Variants in CECR2 observed in about 807,000 individuals in gnomAD.
The protein encoded by CECR2 is CECR2 histone acetyl-lysine reader.
CECR2 carries 30 observed loss-of-function variants against 154.5 expected under a neutral mutation model. The observed-to-expected ratio is 0.19, with a 90% CI of 0.15 to 0.26. The LOEUF (loss-of-function observed/expected upper bound fraction) is 0.26. Ranked by LOEUF, CECR2 falls within the 10% of genes least tolerant of loss-of-function variation. CECR2 has a pLI of 1.00. For missense variants in CECR2, 1,743 were observed against 1,829.3 expected, an observed-to-expected ratio of 0.95 and a Z score of 0.86; for synonymous variants, 725 against 683.7, an observed-to-expected ratio of 1.06 and a Z score of -0.94.
At chr22:17,535,992 T>C (rs954476254) in intron 9 of CECR2, among the ~76,000 whole-genome samples, 1 of 152,170 alleles carries the variant, frequency 6.6e-6, no homozygotes, top group Non-Finnish European at 1.5e-5. Context: ...CTCACTCCTG[T>C]AATCCCAGCA....
chr22:17,520,354 C>G (rs182768201), intron 8 of CECR2, among the ~76,000 whole-genome samples: 7 of 152,122 alleles, frequency 4.6e-5, no homozygotes, highest in Admixed American at 4.6e-4. Context: ...CATAAAGCAT[C>G]ACAATTCTCT....
At chr22:17,409,651 C>T (rs1463868029) in intron 1 of CECR2, among the ~76,000 whole-genome samples, 1 of 112,482 alleles carries the variant, frequency 8.9e-6, no homozygotes, top group East Asian at 2.0e-4. Context: ...CTCTTCCCAA[C>T]CCAGTCAATC....
intron 1 of CECR2, among the ~76,000 whole-genome samples, chr22:17,400,857 C>T (rs1469568678): frequency 6.6e-6 from 1 of 152,076 alleles, no homozygotes; most frequent in Non-Finnish European, 1.5e-5. Flanking sequence ...CTCAAGCAGT[C>T]CTCTGGCCTC....
intron 9 of CECR2, 45 bp from the exon 10 acceptor site, chr22:17,537,058 T>A (rs1424706849): frequency 6.2e-7 from 1 of 1,607,632 alleles, no homozygotes; most frequent in Non-Finnish European, 8.5e-7. Context: ...GCCATGTCAG[T>A]GTCTGGAGTG....
chr22:17,550,351 T>G (rs963952245), intron 17 of CECR2: 1 of 160,542 alleles, frequency 6.2e-6, no homozygotes, highest in African/African-American at 2.4e-5. Flanking sequence ...AACCACAGTT[T>G]GAGAGCTGTA....
intron 9 of CECR2, 187 bp downstream of exon 9, chr22:17,524,458 T>G (rs1359214720): frequency 1.7e-6 from 1 of 595,446 alleles, no homozygotes; most frequent in Non-Finnish European, 2.7e-6. Flanking sequence ...AGTGGCGTGA[T>G]CTCAGCTCAC....
upstream of CECR2, among the ~76,000 whole-genome samples, chr22:17,368,798 C>T (rs1264139411): frequency 1.3e-5 from 2 of 152,120 alleles, no homozygotes; most frequent in African/African-American, 4.8e-5. Context: ...GGGGATCGCT[C>T]TTCCCGCTTG....
In CECR2 at chr22:17,525,285, C is replaced by CAAAAAAAAAAAAAAAAAAAAA. The variant is rs1569142080; in HGVS notation, c.1108+1014_1108+1015insAAAAAAAAAAAAAAAAAAAAA. ...GGGCAACAAGAGTGAAACTCCATCT[C>CAAAAAAAAAAAAAAAAAAAAA]CAAAAAAAAAAAAAAAAAAAAAAAA... On this transcript the variant is annotated intron_variant, in intron 9 of 18. Coordinates refer to ENST00000262608, the MANE Select transcript of CECR2 (RefSeq NM_001290047.2). 9.3e-5 allele frequency among the ~76,000 whole-genome samples: 3 copies of CAAAAAAAAAAAAAAAAAAAAA among 32,324 alleles called. 1 individual carries two copies. The highest frequency in any genetic ancestry group is 3.7e-4 in the African/African-American group (3 of 8,190). The allele number at this position is 32,324 out of a possible 152,430, so 21.2% of individuals were successfully genotyped here.
chr22:17,374,857 A>G (rs544772397), intron 1 of CECR2, among the ~76,000 whole-genome samples: 2 of 152,290 alleles, frequency 1.3e-5, no homozygotes, highest in South Asian at 4.1e-4. Context: ...ACAGAGGCTA[A>G]TGCTTGCACA....
chr22:17,386,182 A>G (rs996379625), intron 1 of CECR2, among the ~76,000 whole-genome samples: 1 of 152,106 alleles, frequency 6.6e-6, no homozygotes, highest in African/African-American at 2.4e-5. Context: ...TGACAACGGA[A>G]AAGAGCCTTT....
chr22:17,420,164 A>AT (rs2054224257), intron 1 of CECR2, among the ~76,000 whole-genome samples: 1 of 152,242 alleles, frequency 6.6e-6, no homozygotes, highest in African/African-American at 2.4e-5. Context: ...CCCTTGCTAT[A>AT]TTAGTGACAA....
intron 5 of CECR2, among the ~76,000 whole-genome samples, chr22:17,501,727 G>A (rs904029545): frequency 6.6e-6 from 1 of 152,044 alleles, no homozygotes; most frequent in Non-Finnish European, 1.5e-5. Flanking sequence ...ACCTGTTTCC[G>A]GGTTTGTTAG....
intron 1 of CECR2, among the ~76,000 whole-genome samples, chr22:17,434,620 A>AC (rs955261206): frequency 7.0e-6 from 1 of 142,326 alleles, no homozygotes; most frequent in Non-Finnish European, 1.5e-5. Flanking sequence ...ATGGATTAGA[A>AC]CCCCCCACTC....
chr22:17,360,645 C>T (rs1345152519), intron 1 of CECR2, among the ~76,000 whole-genome samples: 2 of 151,598 alleles, frequency 1.3e-5, no homozygotes, highest in African/African-American at 2.4e-5. Flanking sequence ...CCATTGCACT[C>T]CAGCCTGGGC....
chr22:17,370,240 G>T (rs1231856551), intron 1 of CECR2, among the ~76,000 whole-genome samples: 4 of 150,680 alleles, frequency 2.7e-5, no homozygotes, highest in Non-Finnish European at 1.5e-5. Context: ...GCTGGGGCTG[G>T]GTGTGGGCGC....
chr22:17,396,779 ATCACT>A (rs1024085859), intron 1 of CECR2, among the ~76,000 whole-genome samples: 2 of 152,192 alleles, frequency 1.3e-5, no homozygotes, highest in Non-Finnish European at 2.9e-5. Context: ...GAGTAGAAAG[ATCACT>A]TCACTGTTAG....
At chr22:17,494,417 T>G (rs561512171) in intron 2 of CECR2, among the ~76,000 whole-genome samples, 15 of 152,312 alleles carry the variant, frequency 9.8e-5, no homozygotes, top group African/African-American at 3.6e-4. Flanking sequence ...TTTGAACTAC[T>G]CTTTGCCCGG....
At chr22:17,545,374 C>CAAAAAAAAAAAAAAAAAA (rs695493) in intron 16 of CECR2, among the ~76,000 whole-genome samples, 8 of 46,438 alleles carry the variant, frequency 1.7e-4, no homozygotes, top group African/African-American at 2.7e-4. Context: ...GACTCCGTCT[C>CAAAAAAAAAAAAAAAAAA]AAAAAAAAAA....
chr22:17,371,189 T>C (rs147844849), intron 1 of CECR2, among the ~76,000 whole-genome samples: 150 of 152,298 alleles, frequency 9.8e-4, no homozygotes, highest in African/African-American at 3.5e-3. Flanking sequence ...TGTGGGAACT[T>C]GCTCTCGTCG....
Sources: gnomAD v4.1 joint callset for allele counts (sites outside exome capture counted in the v4.1 genomes callset) on GRCh38, gnomAD v4.1.1 for gene constraint, MANE v1.5 for transcripts, NCBI Gene and HGNC (gene_info 2026-07-23, HGNC 2026-07-21) for gene names.